Variants in PDE1C observed in about 807,000 individuals in gnomAD.
PDE1C encodes dual specificity calcium/calmodulin-dependent 3',5'-cyclic nucleotide phosphodiesterase 1C.
PDE1C carries 62 observed loss-of-function variants against 93.1 expected under a neutral mutation model. That is an observed-to-expected ratio of 0.67 (90% CI 0.54 to 0.82). The LOEUF is 0.82. Ranked by LOEUF, PDE1C falls within the 40% of genes least tolerant of loss-of-function variation. PDE1C has a pLI of 0.00. For missense variants in PDE1C, 742 were observed against 884.6 expected (o/e 0.84, Z 2.04); for synonymous variants, 325 against 310.1 (o/e 1.05, Z -0.50).
rs537658805 is a variant in PDE1C at position 32,269,583 on chromosome 7, G to A, written c.85+29068C>T. ...CAACCTCTGCCTCCCGGGTTCAAGC[G>A]ATTCTTCTGCCTTAGCCTTCTGAGT... On this transcript the variant is annotated intron_variant, in intron 1 of 18. Coordinates refer to the PDE1C transcript ENST00000396193. 8.5e-5 allele frequency among the ~76,000 whole-genome samples: 13 copies of A among 152,186 alleles called. No individual in the cohort carries two copies. In the East Asian group the frequency reaches 1.5e-3, roughly 18 times the overall value.
intron 3 of PDE1C, among the ~76,000 whole-genome samples, chr7:32,123,783 A>G (rs1316001543): frequency 6.6e-6 from 1 of 152,158 alleles, no homozygotes; most frequent in Non-Finnish European, 1.5e-5. Flanking sequence ...GCATTCCTTT[A>G]GAAAACTGGT....
At chr7:31,712,963 T>TG in the PDE1C span, among the ~76,000 whole-genome samples, 2 of 152,056 alleles carry the variant, frequency 1.3e-5, no homozygotes, top group Admixed American at 6.6e-5. Flanking sequence ...AGATGAGATT[T>TG]GGGGGGGACA....
intron 1 of PDE1C, among the ~76,000 whole-genome samples, chr7:32,062,275 T>A (rs1344665233): frequency 1.3e-5 from 2 of 152,216 alleles, no homozygotes; most frequent in Non-Finnish European, 2.9e-5. Flanking sequence ...CTGTTGGATC[T>A]ACCTCCTAAA....
At chr7:31,958,878 T>C (rs1808513954) in intron 2 of PDE1C, among the ~76,000 whole-genome samples, 1 of 152,192 alleles carries the variant, frequency 6.6e-6, no homozygotes. Flanking sequence ...CAGATAATTG[T>C]AAGGAATACA....
At chr7:31,883,188 G>T (rs529551815) in intron 2 of PDE1C, among the ~76,000 whole-genome samples, 1 of 152,192 alleles carries the variant, frequency 6.6e-6, no homozygotes, top group Non-Finnish European at 1.5e-5. Flanking sequence ...GAGTTACCAA[G>T]TACATAAGAA....
chr7:31,902,034 T>C (rs866134306), intron 2 of PDE1C, among the ~76,000 whole-genome samples: 3 of 151,322 alleles, frequency 2.0e-5, no homozygotes, highest in Middle Eastern at 3.4e-3. Flanking sequence ...GTAAGATATA[T>C]ATTGTATTTA....
chr7:31,856,459 C>A (rs1794033578), intron 7 of PDE1C, among the ~76,000 whole-genome samples: 1 of 152,184 alleles, frequency 6.6e-6, no homozygotes, highest in Non-Finnish European at 1.5e-5. Context: ...TATGATACAA[C>A]ATTTATGTTA....
chr7:31,888,092 C>CA (rs895161367), intron 2 of PDE1C, among the ~76,000 whole-genome samples: 1 of 150,576 alleles, frequency 6.6e-6, no homozygotes, highest in African/African-American at 2.4e-5. Flanking sequence ...ACTAAAAATA[C>CA]AAAAAAAATT....
chr7:31,948,190 A>G (rs746496802), intron 2 of PDE1C, among the ~76,000 whole-genome samples: 6 of 152,194 alleles, frequency 3.9e-5, no homozygotes, highest in Non-Finnish European at 7.3e-5. Flanking sequence ...ACATTATAAA[A>G]ATGCATTCCA....
At chr7:32,207,257 C>A (rs549573698) in intron 2 of PDE1C, among the ~76,000 whole-genome samples, 7 of 152,144 alleles carry the variant, frequency 4.6e-5, no homozygotes, top group Admixed American at 3.3e-4. Flanking sequence ...CCGCCAATCC[C>A]CGTCGTGCCT....
intron 1 of PDE1C, among the ~76,000 whole-genome samples, chr7:32,380,404 A>ATTAT (rs1784511059): frequency 7.3e-6 from 1 of 137,260 alleles, no homozygotes; most frequent in African/African-American, 2.7e-5. Context: ...TGCCCGGCTA[A>ATTAT]TTTTTTTTTT....
At chr7:32,316,154 A>G (rs1783166329) in intron 1 of PDE1C, among the ~76,000 whole-genome samples, 2 of 152,182 alleles carry the variant, frequency 1.3e-5, no homozygotes, top group Non-Finnish European at 2.9e-5. Context: ...CACCTAGAAC[A>G]AAGCCTAGCA....
intron 1 of PDE1C, among the ~76,000 whole-genome samples, chr7:32,284,149 A>C (rs1270722909): frequency 2.0e-5 from 3 of 152,260 alleles, no homozygotes; most frequent in Non-Finnish European, 4.4e-5. Flanking sequence ...AAAGAAGGGC[A>C]AATAGGACTG....
rs1412815174 is a variant in PDE1C at position 32,147,250 on chromosome 7, A to C, written c.308+22535T>G. Among the ~76,000 whole-genome samples, 5 of 113,022 alleles carry C rather than the reference A, an allele frequency of 4.4e-5. No individual in the cohort carries two copies. In the East Asian group the frequency reaches 1.4e-3, roughly 31 times the overall value. 74.1% of individuals were successfully genotyped at this position (113,022 alleles called of 152,430 possible). ...CATTTGGTAAATAAAAAAGAAAGAA[A>C]GAAAAGAAAGAAAGAAAGAAAAAAA... On this transcript the variant is annotated intron_variant, in intron 3 of 18. Transcript: ENST00000396193.
At chr7:31,821,207 T>C (rs946811201) in intron 14 of PDE1C, among the ~76,000 whole-genome samples, 1 of 152,056 alleles carries the variant, frequency 6.6e-6, no homozygotes, top group African/African-American at 2.4e-5. Flanking sequence ...CTTCCCAAAC[T>C]CCCAAGCAAG....
chr7:31,657,404 TAAAC>T, the PDE1C span, among the ~76,000 whole-genome samples: 2 of 152,210 alleles, frequency 1.3e-5, no homozygotes, highest in African/African-American at 4.8e-5. Context: ...ATTTTTTAAA[TAAAC>T]AAAGATCTCA....
the PDE1C span, among the ~76,000 whole-genome samples, chr7:31,637,602 ATTT>A: frequency 6.6e-6 from 1 of 152,018 alleles, no homozygotes; most frequent in Non-Finnish European, 1.5e-5. Context: ...TTTCTCGTAA[ATTT>A]GTTTGAGTTC....
chr7:32,082,285 T>G (rs1351078284), intron 3 of PDE1C, among the ~76,000 whole-genome samples: 2 of 152,160 alleles, frequency 1.3e-5, no homozygotes, highest in Non-Finnish European at 2.9e-5. Flanking sequence ...GAGATCAAAC[T>G]GCAAGGTGGC....
chr7:32,197,071 G>A (rs1320784140), intron 2 of PDE1C, among the ~76,000 whole-genome samples: 1 of 152,122 alleles, frequency 6.6e-6, no homozygotes, highest in Non-Finnish European at 1.5e-5. Context: ...CAGTTTTTTT[G>A]TGATGACAAT....
Sources: allele counts gnomAD v4.1 joint callset (sites outside exome capture counted in the v4.1 genomes callset), GRCh38; gene constraint gnomAD v4.1.1; transcripts MANE v1.5; gene names NCBI Gene and HGNC (gene_info 2026-07-23, HGNC 2026-07-21).